NPHP3: variants seen among roughly 807,000 people sequenced by gnomAD.
The protein encoded by NPHP3 is nephrocystin 3.
A neutral mutation model predicts 171.9 loss-of-function variants in NPHP3; 123 were observed. The ratio of observed to expected loss-of-function variants is 0.72; its 90% CI spans 0.62 to 0.83. The LOEUF (loss-of-function observed/expected upper bound fraction) is 0.83. Ranked by LOEUF, NPHP3 falls within the 40% of genes least tolerant of loss-of-function variation. NPHP3 has a pLI of 0.00. For missense variants in NPHP3, 1,506 were observed against 1,591.9 expected (o/e 0.95, Z 0.92); for synonymous variants, 558 against 579.2 (o/e 0.96, Z 0.52).
rs750890595 is a variant in NPHP3, at chr3:132,686,286, A to C, written c.3303T>G (p.Val1101=). 6.2e-7 allele frequency: 1 copy of C among 1,613,894 alleles called. No homozygotes were observed. Among genetic ancestry groups the C allele is most frequent in the Non-Finnish European group, 8.5e-7 (1 of 1,179,804 alleles). ...DNARTLNELG[V]LYYLQNNLET... ...CCAGGTTATTTTGAAGATAGTAGAG[A>C]ACACCCAGTTCATTGAGGGTCCGAG... The change falls in exon 23 of 27, where the codon GTT becomes GTG. Residue 1101 remains valine, a synonymous_variant. Transcript: ENST00000337331.
At chr3:132,697,154 G>C in intron 14 of NPHP3, 106 bp downstream of exon 14, 2 of 825,852 alleles carry the variant, frequency 2.4e-6, no homozygotes, top group Non-Finnish European at 2.1e-6. Flanking sequence ...CTAAACTCCA[G>C]TTTTCCTTAT....
At chr3:132,721,803 G>A (rs1160641674) in intron 1 of NPHP3, 160 bp downstream of exon 1, 1 of 943,732 alleles carries the variant, frequency 1.1e-6, no homozygotes, top group Non-Finnish European at 1.6e-6. Flanking sequence ...ACAGAAAAAG[G>A]GGAGGGTTAA....
chr3:132,708,068 A>G, intron 7 of NPHP3, 33 bp downstream of exon 7: 1 of 1,609,690 alleles, frequency 6.2e-7, no homozygotes, highest in South Asian at 1.1e-5. Flanking sequence ...CCCTCAGCTA[A>G]GTGTGTTTTT....
At chr3:132,705,290 C>T (rs913073382) in intron 8 of NPHP3, among the ~76,000 whole-genome samples, 2 of 152,142 alleles carry the variant, frequency 1.3e-5, no homozygotes, top group Admixed American at 6.5e-5. Context: ...ATAGAGACTT[C>T]CAGCTCAAGG....
At chr3:132,702,399 C>T (rs1018900455) in intron 9 of NPHP3, among the ~76,000 whole-genome samples, 2 of 152,208 alleles carry the variant, frequency 1.3e-5, no homozygotes, top group Non-Finnish European at 2.9e-5. Context: ...CTTTTTGAAA[C>T]TAAGTGAGTT....
intron 15 of NPHP3, among the ~76,000 whole-genome samples, chr3:132,696,478 G>A (rs1383679479): frequency 6.6e-6 from 1 of 152,158 alleles, no homozygotes; most frequent in Non-Finnish European, 1.5e-5. Context: ...GGGTGAGGAT[G>A]GCTTTCTTTT....
In NPHP3 at chr3:132,699,932, T is replaced by C. The variant is rs745831184; in HGVS notation, c.1873A>G (p.Ile625Val). Residue 625 changes from isoleucine (I) to valine (V), a missense_variant, in exon 12 of 27, where the codon ATA (isoleucine) becomes GTA (valine). Around this residue, in one of 3 missense-constraint regions of NPHP3, gnomAD observed 930 missense variants for 924.9 expected, o/e 1.01. Transcript: ENST00000337331. ...GAAAACGGTACCTGAACTTGATCTA[T>C]AGAATCAATAACGATGATGATGCTG... ...QGSIIIVIDS[I>V]DQVQQVEKHM... 8.0e-5 allele frequency: 129 copies of C among 1,614,062 alleles called. No individual in the cohort carries two copies. Among genetic ancestry groups the C allele is most frequent in the Non-Finnish European group, 1.0e-4 (122 of 1,180,034 alleles).
At chr3:132,704,530 A>G (rs1939696942) in intron 8 of NPHP3, among the ~76,000 whole-genome samples, 159 bp from the exon 9 acceptor site, 1 of 152,270 alleles carries the variant, frequency 6.6e-6, no homozygotes, top group African/African-American at 2.4e-5. Flanking sequence ...ATAACTACAA[A>G]AAAATCACTA....
intron 16 of NPHP3, chr3:132,693,666 G>C (rs1423777996): frequency 6.6e-6 from 1 of 152,378 alleles, no homozygotes; most frequent in Non-Finnish European, 1.5e-5. Context: ...GAGGCCAGGA[G>C]ATCGAGACCA....
chr3:132,709,407 C>T (rs548283997), intron 6 of NPHP3, among the ~76,000 whole-genome samples: 2 of 151,296 alleles, frequency 1.3e-5, no homozygotes, highest in African/African-American at 2.4e-5. Context: ...CTCAGCCTAC[C>T]GAGTAGCTAG....
rs765850571 is a variant in NPHP3 at position 132,708,165 on chromosome 3, C to A, written c.1211G>T (p.Ser404Ile). The change falls in exon 7 of 27, where the codon AGT becomes ATT. Residue 404 changes from serine to isoleucine, a missense_variant. Ser to Ile is a moderately radical substitution (Grantham distance 142). This residue lies in a region of NPHP3 where 930 missense variants were observed against 924.9 expected (regional missense o/e 1.01). Coordinates refer to ENST00000337331, the MANE Select transcript of NPHP3 (RefSeq NM_153240.5). ...IFHRLEDGKVSSDSVQQLIDQ... is the reference protein window; with the variant it reads ...IFHRLEDGKVISDSVQQLIDQ... ...AATCAATTGCTGGACAGAGTCAGAA[C>A]TGACTTTTCCATCTTCCAAACGATG... 6 of 1,614,146 alleles carry A rather than the reference C, an allele frequency of 3.7e-6. No individual in the cohort carries two copies. Among genetic ancestry groups the A allele is most frequent in the Middle Eastern group, 1.6e-4 (1 of 6,062 alleles).
intron 16 of NPHP3, among the ~76,000 whole-genome samples, chr3:132,694,114 G>A (rs1487652693): frequency 6.6e-6 from 1 of 151,938 alleles, no homozygotes; most frequent in East Asian, 1.9e-4. Flanking sequence ...CAAATAATAG[G>A]CAAAATCAGA....
In NPHP3 at chr3:132,681,008, CAG is replaced by C. The variant is rs1387462323; in HGVS notation, c.*900_*901del. 1 of 152,060 alleles carries C rather than the reference CAG, an allele frequency of 6.6e-6. No individual in the cohort carries two copies. The highest frequency in any genetic ancestry group is 1.5e-5 in the Non-Finnish European group (1 of 68,016). 9.4% of individuals were successfully genotyped at this position (152,060 alleles called of 1,614,324 possible). ...AGTAATAAATAATACACAATGTAGA[CAG>C]AACAGAAAGCAGAGGGACTGGACCA... On this transcript the variant is annotated 3_prime_UTR_variant, in exon 27 of 27. Coordinates refer to ENST00000337331, the MANE Select transcript of NPHP3 (RefSeq NM_153240.5).
chr3:132,708,540 G>T (rs1178240834), intron 6 of NPHP3, among the ~76,000 whole-genome samples: 1 of 152,124 alleles, frequency 6.6e-6, no homozygotes, highest in Non-Finnish European at 1.5e-5. Flanking sequence ...ACCTAAAAAA[G>T]ATCTCAAAAA....
Position 132,720,941 on chromosome 3 carries a change from G to A in NPHP3, c.393+1022C>T, listed in dbSNP as rs148418247. 7.8e-3 allele frequency among the ~76,000 whole-genome samples: 1,179 copies of A among 150,638 alleles called. 20 individuals carry two copies. Among genetic ancestry groups the A allele is most frequent in the African/African-American group, 0.027 (1,126 of 41,032 alleles). On this transcript the variant is annotated intron_variant, in intron 1 of 26. Transcript: ENST00000337331. ...TATACTATTTTTTTTTTTTTGATAC[G>A]GAGTCTCGCTCTGTCACCCAAGCTG...
At chr3:132,711,758 T>C (rs2107994611) in intron 6 of NPHP3, among the ~76,000 whole-genome samples, 1 of 152,214 alleles carries the variant, frequency 6.6e-6, no homozygotes, top group South Asian at 2.1e-4. Flanking sequence ...ATATCCTTAA[T>C]AAATATAAAA....
At chr3:132,693,533 A>T (rs1177776298) in intron 16 of NPHP3, 1 of 152,348 alleles carries the variant, frequency 6.6e-6, no homozygotes, top group Non-Finnish European at 1.5e-5. Context: ...GTGGGCTGAG[A>T]AGTCCAAACC....
intron 12 of NPHP3, 29 bp from the exon 13 acceptor site, chr3:132,699,479 T>G: frequency 7.0e-7 from 1 of 1,431,400 alleles, no homozygotes; most frequent in Non-Finnish European, 9.7e-7. Flanking sequence ...AAATTCAATC[T>G]ATTAATCAAA....
At chr3:132,708,943 A>T (rs1269016699) in intron 6 of NPHP3, among the ~76,000 whole-genome samples, 3 of 152,178 alleles carry the variant, frequency 2.0e-5, no homozygotes, top group Admixed American at 6.5e-5. Flanking sequence ...CAGGCTCACT[A>T]AGAATTCTTG....
Sources: gnomAD v4.1 joint callset for allele counts (sites outside exome capture counted in the v4.1 genomes callset) on GRCh38, gnomAD v4.1.1 for gene constraint, gnomAD v4.1.1 regional missense constraint, MANE v1.5 for transcripts, NCBI Gene and HGNC (gene_info 2026-07-23, HGNC 2026-07-21) for gene names.